CSMD1: variants seen among roughly 807,000 people sequenced by gnomAD.
The protein encoded by CSMD1 is CUB and sushi domain-containing protein 1.
Under a neutral mutation model 417.5 loss-of-function variants are expected in CSMD1, and 213 were observed. The observed-to-expected ratio is 0.51, with a 90% CI of 0.46 to 0.57. CSMD1 has a LOEUF of 0.57. Among genes scored for constraint, CSMD1 ranks in the 20% least tolerant of loss-of-function variants. The pLI is 0.00. For synonymous variants in CSMD1, 2,862 were observed against 1,736.8 expected, an observed-to-expected ratio of 1.65 and a Z score of -16.11; for missense variants, 6,923 against 4,529.7, an observed-to-expected ratio of 1.53 and a Z score of -15.17.
At chr8:4,369,359 A>C (rs1224347509) in intron 3 of CSMD1, among the ~76,000 whole-genome samples, 1 of 152,162 alleles carries the variant, frequency 6.6e-6, no homozygotes, top group Non-Finnish European at 1.5e-5. Context: ...CTTTAAGGCC[A>C]AGCATGTGGT....
chr8:3,061,602 C>T (rs1401623955), intron 49 of CSMD1, among the ~76,000 whole-genome samples: 2 of 152,216 alleles, frequency 1.3e-5, no homozygotes, highest in East Asian at 3.9e-4. Context: ...CTTGAGCTTA[C>T]ACGAACCAGC....
chr8:4,829,874 G>C (rs1442366378), intron 1 of CSMD1, among the ~76,000 whole-genome samples: 1 of 152,140 alleles, frequency 6.6e-6, no homozygotes, highest in Non-Finnish European at 1.5e-5. Context: ...GTGGTACAAA[G>C]TTTACTTTGA....
chr8:4,217,586 G>C (rs557132792), intron 3 of CSMD1, among the ~76,000 whole-genome samples: 56 of 151,684 alleles, frequency 3.7e-4, no homozygotes, highest in Non-Finnish European at 4.6e-4. Context: ...AGCTTGAAGG[G>C]AAACCATTTG....
intron 12 of CSMD1, among the ~76,000 whole-genome samples, chr8:3,449,437 C>G (rs1240683732): frequency 6.6e-6 from 1 of 152,026 alleles, no homozygotes; most frequent in African/African-American, 2.4e-5. Context: ...CTAAGGATGT[C>G]CTGGACTCGG....
chr8:4,156,047 T>C (rs907974632), intron 3 of CSMD1, among the ~76,000 whole-genome samples: 3 of 152,098 alleles, frequency 2.0e-5, no homozygotes, highest in Admixed American at 6.5e-5. Context: ...ATGAGCTCCA[T>C]AGATTCCTAC....
In CSMD1 at chr8:4,376,340, C is replaced by T. The variant is rs569188865; in HGVS notation, c.415+43613G>A. Among the ~76,000 whole-genome samples, 15 of 152,260 alleles carry T rather than the reference C, an allele frequency of 9.9e-5. No individual in the cohort carries two copies. The East Asian group carries it at 1.4e-3, about 14-fold the overall frequency. On this transcript the variant is annotated intron_variant, in intron 3 of 69. Transcript: ENST00000635120. ...ATTTTCAAGAAGAGAATAAAAGTTA[C>T]CTATAATCTCAACTCTTAGAAATAC...
At chr8:4,586,397 G>T (rs751434917) in intron 2 of CSMD1, among the ~76,000 whole-genome samples, 11 of 152,088 alleles carry the variant, frequency 7.2e-5, no homozygotes, top group African/African-American at 2.7e-4. Flanking sequence ...AACTGTTAAA[G>T]TCACAGACCA....
At chr8:2,951,037 T>C in intron 66 of CSMD1, 77 bp downstream of exon 66, 1 of 1,453,350 alleles carries the variant, frequency 6.9e-7, no homozygotes, top group South Asian at 1.3e-5. Flanking sequence ...TAATACTTAC[T>C]AGATCACCTC....
At chr8:3,094,074 A>G (rs1489562574) in intron 47 of CSMD1, among the ~76,000 whole-genome samples, 1 of 131,378 alleles carries the variant, frequency 7.6e-6, no homozygotes, top group Non-Finnish European at 1.6e-5. Context: ...TCAAGAGTAG[A>G]GTTTTAGGGT....
intron 3 of CSMD1, among the ~76,000 whole-genome samples, chr8:4,206,844 C>A (rs149109538): frequency 1.3e-5 from 2 of 152,042 alleles, no homozygotes; most frequent in Non-Finnish European, 2.9e-5. Flanking sequence ...TTGTGGGCTC[C>A]TAGAAGCAAA....
chr8:4,384,009 G>C (rs1299745277), intron 3 of CSMD1, among the ~76,000 whole-genome samples: 1 of 151,906 alleles, frequency 6.6e-6, no homozygotes, highest in Non-Finnish European at 1.5e-5. Context: ...GAAGGATCCA[G>C]GGACCACCCC....
In CSMD1 at chr8:3,219,375, T is replaced by A; in HGVS notation, c.4552A>T (p.Ile1518Phe). 2.5e-6 allele frequency: 4 copies of A among 1,569,374 alleles called. No individual in the cohort carries two copies. The highest frequency in any genetic ancestry group is 1.9e-5 in the Admixed American group (1 of 53,172). ...GCCTGAGAGCCCTGGTAACTCCCAA[T>A]GAGGGGGCTGTTGGAATCTTCCCCT... ...YEGEDSNSPL[I>F]GSYQGSQAPE... Residue 1518 changes from isoleucine (I) to phenylalanine (F), a missense_variant, in exon 29 of 70, where the codon ATT becomes TTT. Coordinates refer to ENST00000635120, the MANE Select transcript of CSMD1 (RefSeq NM_033225.6).
At chr8:4,739,621 G>A (rs1398180561) in intron 1 of CSMD1, among the ~76,000 whole-genome samples, 2 of 152,122 alleles carry the variant, frequency 1.3e-5, no homozygotes, top group Admixed American at 6.5e-5. Flanking sequence ...CATGCTCAGT[G>A]GTTATCATGG....
At chr8:4,062,842 C>G (rs952589176) in intron 3 of CSMD1, among the ~76,000 whole-genome samples, 3 of 151,534 alleles carry the variant, frequency 2.0e-5, no homozygotes, top group East Asian at 1.9e-4. Flanking sequence ...GTGTCAAAAC[C>G]CTACCAGCCA....
chr8:4,620,265 C>G (rs1801696205), intron 2 of CSMD1, among the ~76,000 whole-genome samples: 1 of 151,438 alleles, frequency 6.6e-6, no homozygotes, highest in Admixed American at 6.6e-5. Flanking sequence ...ATTGCTCTAT[C>G]TAAAAGTCTG....
chr8:4,401,217 C>G (rs1475177177), intron 3 of CSMD1, among the ~76,000 whole-genome samples: 1 of 152,090 alleles, frequency 6.6e-6, no homozygotes, highest in Non-Finnish European at 1.5e-5. Flanking sequence ...TCTGAAATAA[C>G]TTAATGAATT....
chr8:3,236,893 G>A (rs1799184825), intron 26 of CSMD1, among the ~76,000 whole-genome samples: 1 of 152,070 alleles, frequency 6.6e-6, no homozygotes, highest in African/African-American at 2.4e-5. Context: ...CTGTTTTCCA[G>A]TTTCCCACAG....
chr8:3,787,526 G>C (rs1186744945), intron 5 of CSMD1, among the ~76,000 whole-genome samples: 1 of 152,218 alleles, frequency 6.6e-6, no homozygotes, highest in East Asian at 1.9e-4. Flanking sequence ...CAGCAATTAA[G>C]AAAATATTCA....
intron 4 of CSMD1, among the ~76,000 whole-genome samples, chr8:4,025,819 G>A (rs371608776): frequency 2.2e-4 from 34 of 152,166 alleles, no homozygotes; most frequent in Middle Eastern, 3.4e-3. Flanking sequence ...ATTTAGTTCT[G>A]TTAATTATTT....
Sources: gnomAD v4.1 joint callset for allele counts (sites outside exome capture counted in the v4.1 genomes callset) on GRCh38, gnomAD v4.1.1 for gene constraint, MANE v1.5 for transcripts, NCBI Gene and HGNC (gene_info 2026-07-23, HGNC 2026-07-21) for gene names.